Variants in ZFP62 observed in about 807,000 individuals in gnomAD.
The protein encoded by ZFP62 is zinc finger protein 62 homolog.
Under a neutral mutation model 56.4 loss-of-function variants are expected in ZFP62, and 44 were observed. The ratio of observed to expected loss-of-function variants is 0.78; its 90% confidence interval spans 0.61 to 1.00. The LOEUF is 1.00. Ranked by LOEUF, ZFP62 falls within the 50% of genes least tolerant of loss-of-function variation. The pLI, the probability that ZFP62 is intolerant of heterozygous loss-of-function variation, is 0.00. For missense variants in ZFP62, 1,030 were observed against 1,085.7 expected, an observed-to-expected ratio of 0.95 and a Z score of 0.72; for synonymous variants, 421 against 388.9, an observed-to-expected ratio of 1.08 and a Z score of -0.97.
At chr5:180,841,492 C>T in the ZFP62 span, among the ~76,000 whole-genome samples, 1 of 152,060 alleles carries the variant, frequency 6.6e-6, no homozygotes, top group African/African-American at 2.4e-5. Context: ...GGGCTGTGGG[C>T]TGTGGGCTGT....
Position 180,849,858 on chromosome 5 carries a change from GAATT to G in ZFP62, c.1633_1636del (p.Asn545LeufsTer32), listed in dbSNP as rs758785839. 21 of 1,551,648 alleles carry G rather than the reference GAATT, an allele frequency of 1.4e-5. No homozygotes were observed. Among genetic ancestry groups the G allele is most frequent in the Non-Finnish European group, 1.8e-5 (21 of 1,147,028 alleles). ...GATTCGTTTATGTACTTTAAGGCCAGAATTATTTCTGAAAGCTTTACCACACTCA... is the reference window on the plus strand; with the variant it reads ...GATTCGTTTATGTACTTTAAGGCCAGATTTCTGAAAGCTTTACCACACTCA... On this transcript the variant is annotated frameshift_variant, in exon 2 of 2. Transcript: ENST00000502412. LOFTEE classifies it high-confidence loss of function.
In ZFP62 at chr5:180,849,266, G is replaced by A; in HGVS notation, c.2229C>T (p.Leu743=). Residue 743 remains leucine (L), a synonymous_variant, in exon 2 of 2, where the codon CTC becomes CTT. Transcript: ENST00000502412. ...ECGKSFSYSS[L]LSQHKRIHTG... ...TGTGGATCCTCTTGTGCTGAGAAAG[G>A]AGAGAGCTGTAACTGAAAGATTTCC... The A allele has an allele frequency of 6.4e-7, 1 of 1,554,316 alleles. No individual in the cohort carries two copies. Among genetic ancestry groups the A allele is most frequent in the Non-Finnish European group, 8.7e-7 (1 of 1,148,552 alleles).
chr5:180,836,872 C>T, the ZFP62 span, among the ~76,000 whole-genome samples: 8 of 152,210 alleles, frequency 5.3e-5, no homozygotes, highest in African/African-American at 1.9e-4. Flanking sequence ...TGTAAGAATA[C>T]ATTTTATTCA....
downstream of ZFP62, among the ~76,000 whole-genome samples, chr5:180,846,445 T>G (rs1773412901): frequency 6.6e-6 from 1 of 152,202 alleles, no homozygotes; most frequent in Non-Finnish European, 1.5e-5. Flanking sequence ...AAAGCTGGTC[T>G]CATCTTCAGC....
chr5:180,850,857 A>T lies in ZFP62; in HGVS notation c.638T>A (p.Ile213Lys), dbSNP rs753282633. The T allele has an allele frequency of 3.2e-6, 5 of 1,562,806 alleles. No individual in the cohort carries two copies. The highest frequency in any genetic ancestry group is 4.3e-6 in the Non-Finnish European group (5 of 1,153,802). ...CCCAGAATGGGTGCTTTTGTGGTTTATAAGGCTGGAGTAGGACATGTAGGC... is the reference window on the plus strand; with the variant it reads ...CCCAGAATGGGTGCTTTTGTGGTTTTTAAGGCTGGAGTAGGACATGTAGGC... The part of the protein sequence containing the change: ...GKAYMSYSSL[I>K]NHKSTHSGEK... The change falls in exon 2 of 2, where the codon ATA (isoleucine) becomes AAA (lysine). Residue 213 changes from isoleucine to lysine, a missense_variant. Ile to Lys is a moderately radical substitution (Grantham distance 102). Transcript: ENST00000502412.
At chr5:180,857,469 G>A (rs546941704) in intron 1 of ZFP62, among the ~76,000 whole-genome samples, 46 of 152,158 alleles carry the variant, frequency 3.0e-4, no homozygotes, top group African/African-American at 9.9e-4. Flanking sequence ...GTATAATAAC[G>A]GCATTGTGGC....
At chr5:180,854,842 C>T (rs1773889554) in intron 1 of ZFP62, among the ~76,000 whole-genome samples, 1 of 152,132 alleles carries the variant, frequency 6.6e-6, no homozygotes. Flanking sequence ...AAGAGCTGTA[C>T]AAATGTTCCA....
At chr5:180,851,918 T>A (rs1773731484) in intron 1 of ZFP62, 1 of 704,498 alleles carries the variant, frequency 1.4e-6, no homozygotes, top group Non-Finnish European at 1.7e-6. Context: ...TAGGTAAAAC[T>A]TTTTTTTATT....
chr5:180,855,460 C>T (rs935881546), intron 1 of ZFP62, among the ~76,000 whole-genome samples: 11 of 152,138 alleles, frequency 7.2e-5, no homozygotes, highest in African/African-American at 1.9e-4. Flanking sequence ...GCTTGCCCTC[C>T]GCGCTGCTGC....
the ZFP62 span, chr5:180,831,592 G>A: frequency 5.9e-5 from 9 of 152,658 alleles, no homozygotes; most frequent in African/African-American, 2.2e-4. Context: ...CGCGGCTGCG[G>A]AGAGAGGCCC....
Position 180,849,979 on chromosome 5 carries a change from T to C in ZFP62, c.1516A>G (p.Lys506Glu). The change falls in exon 2 of 2, where the codon AAA becomes GAA. Residue 506 changes from lysine (K) to glutamate (E), a missense_variant. Physicochemically the swap from Lys to Glu is moderately conservative, Grantham distance 56. Transcript: ENST00000502412. ...KGIHLGEKPY[K>E]CSYCEKSFNY... ...AAGGATTTCTCACAATAGCTACATT[T>C]ATAGGGCTTCTCCCCAAGGTGGATT... The C allele has an allele frequency of 6.4e-7, 1 of 1,551,704 alleles. No individual in the cohort carries two copies. Among genetic ancestry groups the C allele is most frequent in the Non-Finnish European group, 8.7e-7 (1 of 1,147,000 alleles).
intron 1 of ZFP62, chr5:180,852,067 A>G (rs1343845003): frequency 1.0e-6 from 1 of 967,724 alleles, no homozygotes; most frequent in African/African-American, 1.8e-5. Context: ...CAACCTGCAT[A>G]TTAAAATATA....
At chr5:180,829,616 C>T in the ZFP62 span, among the ~76,000 whole-genome samples, 10 of 152,184 alleles carry the variant, frequency 6.6e-5, no homozygotes, top group Admixed American at 4.6e-4. Context: ...CGGGTTCCCC[C>T]GATAGTTCTA....
chr5:180,844,590 C>T (rs78157283), downstream of ZFP62, among the ~76,000 whole-genome samples: 1 of 152,290 alleles, frequency 6.6e-6, no homozygotes, highest in East Asian at 1.9e-4. Context: ...GCAGGCTGCC[C>T]AGGCCAGAAA....
chr5:180,845,228 G>A (rs1773388483), downstream of ZFP62, among the ~76,000 whole-genome samples: 1 of 150,734 alleles, frequency 6.6e-6, no homozygotes, highest in South Asian at 2.1e-4. Flanking sequence ...CAGCTACTCT[G>A]GAGGCTGAGG....
Position 180,850,636 on chromosome 5 carries a change from C to G in ZFP62, c.859G>C (p.Gly287Arg), listed in dbSNP as rs1210931873. The change falls in exon 2 of 2, where the codon GGG becomes CGG. Residue 287 changes from glycine (G) to arginine (R), a missense_variant. Gly to Arg is a moderately radical substitution (Grantham distance 125). Transcript: ENST00000502412. ...CCAGAGCTGTTACTGAAGGTTTTCCCACAGATGTCGCATTCATAGGGCTTC... is the reference window on the plus strand; with the variant it reads ...CCAGAGCTGTTACTGAAGGTTTTCCGACAGATGTCGCATTCATAGGGCTTC... ...GEKPYECDIC[G>R]KTFSNSSGLR... 2 of 1,577,432 alleles carry G rather than the reference C, an allele frequency of 1.3e-6. No homozygotes were observed. The highest frequency in any genetic ancestry group is 1.7e-6 in the Non-Finnish European group (2 of 1,161,342).
In ZFP62 at chr5:180,851,394, A is replaced by G; in HGVS notation, c.101T>C (p.Met34Thr). Residue 34 changes from methionine (M) to threonine (T), a missense_variant, in exon 2 of 2, where the codon ATG becomes ACG. Transcript: ENST00000502412. Reference sequence around the variant, plus strand: ...TGTGTCACCAACCTTAGATTCAGGCATAGGATCCTCCACTTTTGGCCACTT... The same window carrying G: ...TGTGTCACCAACCTTAGATTCAGGCGTAGGATCCTCCACTTTTGGCCACTT... ...ASKWPKVEDP[M>T]PESKVGDTCV... is the part of the protein sequence containing the mutation. 6.4e-7 allele frequency: 1 copy of G among 1,551,624 alleles called. No homozygotes were observed. Among genetic ancestry groups the G allele is most frequent in the African/African-American group, 1.4e-5 (1 of 73,138 alleles).
the ZFP62 span, among the ~76,000 whole-genome samples, chr5:180,840,628 C>A: frequency 6.6e-6 from 1 of 151,814 alleles, no homozygotes; most frequent in African/African-American, 2.4e-5. Context: ...ATGTGGTGGG[C>A]GCCTGTAATC....
chr5:180,842,066 GAA>G, the ZFP62 span, among the ~76,000 whole-genome samples: 1 of 152,202 alleles, frequency 6.6e-6, no homozygotes, highest in South Asian at 2.1e-4. Flanking sequence ...GGAAGCAAAT[GAA>G]AAGTCTATTA....
Sources: gnomAD v4.1 joint callset for allele counts (sites outside exome capture counted in the v4.1 genomes callset) on GRCh38, gnomAD v4.1.1 for gene constraint, MANE v1.5 for transcripts, NCBI Gene and HGNC (gene_info 2026-07-23, HGNC 2026-07-21) for gene names.